The following DEPDC1B variants were observed in gnomAD, a reference collection of about 807,000 sequenced individuals.
DEPDC1B encodes DEP domain-containing protein 1B.
DEPDC1B carries 51 observed loss-of-function variants against 66.5 expected under a neutral mutation model. The ratio of observed to expected loss-of-function variants is 0.77; its 90% CI spans 0.61 to 0.97. The LOEUF (loss-of-function observed/expected upper bound fraction) is 0.97, where lower values mean the gene tolerates loss of function less well. DEPDC1B is among the 50% of genes least tolerant of loss of function. DEPDC1B has a pLI of 0.00. For synonymous variants in DEPDC1B, 226 were observed against 223.6 expected (o/e 1.01, Z -0.10); for missense variants, 552 against 637.1 (o/e 0.87, Z 1.44).
At chr5:60,599,979 G>A (rs961671834) in intron 9 of DEPDC1B, among the ~76,000 whole-genome samples, 1 of 152,094 alleles carries the variant, frequency 6.6e-6, no homozygotes, top group Non-Finnish European at 1.5e-5. Flanking sequence ...GGGTCTCCAC[G>A]ACCGAGCTGG....
chr5:60,661,968 T>A (rs1209766553), intron 2 of DEPDC1B, among the ~76,000 whole-genome samples: 1 of 151,928 alleles, frequency 6.6e-6, no homozygotes, highest in Non-Finnish European at 1.5e-5. Context: ...AGAAAGAAAA[T>A]CCTATTGCCT....
Position 60,653,727 on chromosome 5 carries a change from T to TTC in DEPDC1B, c.315-6195_315-6194insGA, listed in dbSNP as rs1347538333. Among the ~76,000 whole-genome samples, 88 of 150,532 alleles carry TTC rather than the reference T, an allele frequency of 5.8e-4. 3 individuals are homozygous for TTC. The highest frequency in any genetic ancestry group is 2.4e-3 in the East Asian group (12 of 4,948). ...GGTTTTTCTGATGTTCTGCGATTTT[T>TTC]ATGATTTCAGGTCTTATATTTAAGT... On this transcript the variant is annotated intron_variant, in intron 2 of 10. Coordinates refer to ENST00000265036, the MANE Select transcript of DEPDC1B (RefSeq NM_018369.3).
intron 7 of DEPDC1B, among the ~76,000 whole-genome samples, chr5:60,633,581 C>T (rs1166876057): frequency 6.6e-6 from 1 of 152,186 alleles, no homozygotes; most frequent in Non-Finnish European, 1.5e-5. Context: ...CCCCAGCCAA[C>T]CTCCAGACCT....
intron 2 of DEPDC1B, among the ~76,000 whole-genome samples, chr5:60,649,841 G>A (rs945364596): frequency 6.6e-6 from 1 of 151,974 alleles, no homozygotes; most frequent in Non-Finnish European, 1.5e-5. Flanking sequence ...ATATTATGCT[G>A]GTGAATAAGA....
intron 2 of DEPDC1B, among the ~76,000 whole-genome samples, chr5:60,654,005 T>A (rs1753519223): frequency 1.3e-5 from 2 of 149,530 alleles, no homozygotes; most frequent in Non-Finnish European, 2.9e-5. Flanking sequence ...TTGGTGACTA[T>A]AGGTTTATAG....
At chr5:60,639,847 C>T (rs1753147701) in intron 6 of DEPDC1B, among the ~76,000 whole-genome samples, 1 of 152,220 alleles carries the variant, frequency 6.6e-6, no homozygotes, top group African/African-American at 2.4e-5. Context: ...ACCACATCCT[C>T]ATTGCCTAGC....
At chr5:60,617,967 A>G (rs1379861221) in intron 7 of DEPDC1B, among the ~76,000 whole-genome samples, 2 of 152,218 alleles carry the variant, frequency 1.3e-5, no homozygotes, top group Admixed American at 1.3e-4. Context: ...TCAAACTAGA[A>G]CTCAGGATTA....
chr5:60,602,127 G>A (rs1752209926), intron 9 of DEPDC1B, among the ~76,000 whole-genome samples: 1 of 131,566 alleles, frequency 7.6e-6, no homozygotes, highest in Admixed American at 7.1e-5. Flanking sequence ...AGGCAGGAAG[G>A]GAGGCAGGCA....
chr5:60,603,709 T>G lies in DEPDC1B; in HGVS notation c.1066-142A>C, dbSNP rs1401970370. ...ACCAAGAGTACCCAGCCATCTCAGA[T>G]GGGTTGACGGTCTCAACAACCAGAA... On this transcript the variant is annotated intron_variant, in intron 8 of 10. Transcript: ENST00000265036. 1.0e-5 allele frequency: 8 copies of G among 782,518 alleles called. No individual in the cohort carries two copies. The East Asian group carries it at 2.4e-4, about 23-fold the overall frequency. The allele number at this position is 782,518 out of a possible 1,614,324, so 48.5% of individuals were successfully genotyped here.
At chr5:60,605,288 G>C (rs967054746) in intron 8 of DEPDC1B, among the ~76,000 whole-genome samples, 5 of 152,072 alleles carry the variant, frequency 3.3e-5, no homozygotes, top group African/African-American at 1.2e-4. Flanking sequence ...TCAAAATTGA[G>C]AAAAGAATAG....
chr5:60,687,279 T>G, intron 1 of DEPDC1B, 52 bp from the exon 2 acceptor site: 1 of 1,546,790 alleles, frequency 6.5e-7, no homozygotes, highest in Non-Finnish European at 8.7e-7. Context: ...TTTTTTAAGA[T>G]TACTACATCT....
At chr5:60,685,484 T>G (rs1754392641) in intron 2 of DEPDC1B, among the ~76,000 whole-genome samples, 1 of 152,150 alleles carries the variant, frequency 6.6e-6, no homozygotes, top group African/African-American at 2.4e-5. Flanking sequence ...ATGGATGAAT[T>G]TAATATGTCT....
intron 2 of DEPDC1B, among the ~76,000 whole-genome samples, chr5:60,675,899 T>C (rs1366812134): frequency 6.9e-6 from 1 of 144,630 alleles, no homozygotes; most frequent in East Asian, 2.1e-4. Flanking sequence ...TCTGTTTCTT[T>C]TTTCTTTTTT....
chr5:60,668,418 G>T (rs1206902055), intron 2 of DEPDC1B, among the ~76,000 whole-genome samples: 1 of 151,096 alleles, frequency 6.6e-6, no homozygotes, highest in Non-Finnish European at 1.5e-5. Context: ...TGGACTACAG[G>T]TGTGTTCCAC....
At chr5:60,680,953 G>A (rs1297872717) in intron 2 of DEPDC1B, among the ~76,000 whole-genome samples, 1 of 152,148 alleles carries the variant, frequency 6.6e-6, no homozygotes, top group Non-Finnish European at 1.5e-5. Context: ...CCACTACCTG[G>A]ATTACTTTGG....
chr5:60,631,999 C>A (rs1044057862), intron 7 of DEPDC1B, among the ~76,000 whole-genome samples: 1 of 152,214 alleles, frequency 6.6e-6, no homozygotes, highest in African/African-American at 2.4e-5. Flanking sequence ...AACTGTTCAA[C>A]ATGAATGATG....
At chr5:60,635,858 T>A (rs1157647955) in intron 7 of DEPDC1B, among the ~76,000 whole-genome samples, 1 of 152,216 alleles carries the variant, frequency 6.6e-6, no homozygotes, top group Non-Finnish European at 1.5e-5. Context: ...ATTCTCTTTT[T>A]AAAAACACAG....
chr5:60,623,169 C>T (rs187348341), intron 7 of DEPDC1B, among the ~76,000 whole-genome samples: 4 of 152,250 alleles, frequency 2.6e-5, no homozygotes, highest in Admixed American at 2.6e-4. Flanking sequence ...TGAGTGCATA[C>T]AGTATACAGT....
At chr5:60,631,348 T>C (rs1352658767) in intron 7 of DEPDC1B, among the ~76,000 whole-genome samples, 1 of 152,216 alleles carries the variant, frequency 6.6e-6, no homozygotes, top group African/African-American at 2.4e-5. Context: ...CGACGAAGAC[T>C]CATCAGCTGC....
Sources: gnomAD v4.1 joint callset for allele counts (sites outside exome capture counted in the v4.1 genomes callset) on GRCh38, gnomAD v4.1.1 for gene constraint, MANE v1.5 for transcripts, NCBI Gene and HGNC (gene_info 2026-07-23, HGNC 2026-07-21) for gene names.